Variants in PGAP4 observed in about 807,000 individuals in gnomAD.
The protein encoded by PGAP4 is GPI-N-acetylgalactosamine transferase PGAP4.
In PGAP4, 12 loss-of-function variants were observed where a neutral mutation model predicts 28.2. The observed-to-expected ratio is 0.42, with a 90% CI of 0.27 to 0.69. The LOEUF is 0.69. Among genes scored for constraint, PGAP4 ranks in the 30% least tolerant of loss-of-function variants. The pLI is 0.22. For synonymous variants in PGAP4, 205 were observed against 211.8 expected (o/e 0.97, Z 0.28); for missense variants, 425 against 513.5 (o/e 0.83, Z 1.67).
chr9:101,528,928 A>G (rs1827059875), intron 2 of PGAP4, among the ~76,000 whole-genome samples: 1 of 150,658 alleles, frequency 6.6e-6, no homozygotes, highest in South Asian at 2.1e-4. Flanking sequence ...GTTTTTCCTG[A>G]TCCTCTCCCT....
chr9:101,514,158 G>T (rs1420853883), intron 2 of PGAP4, among the ~76,000 whole-genome samples: 1 of 152,052 alleles, frequency 6.6e-6, no homozygotes, highest in Non-Finnish European at 1.5e-5. Flanking sequence ...TGCTATACCA[G>T]TTCTCTAGGT....
At chr9:101,511,124 A>C (rs1395513391) in intron 2 of PGAP4, among the ~76,000 whole-genome samples, 1 of 152,196 alleles carries the variant, frequency 6.6e-6, no homozygotes, top group East Asian at 1.9e-4. Flanking sequence ...TCACATGTGC[A>C]GTTCACAATA....
chr9:101,476,994 C>A lies in PGAP4; in HGVS notation c.99G>T (p.Val33=). The change falls in exon 2 of 2, where the codon GTG becomes GTT. Residue 33 remains valine (V), a synonymous_variant. Transcript: ENST00000374848. This position sits in a 1 kb window ranked among gnomAD's most constrained non-coding sequence, Gnocchi z 7.0. ...CCAGGGGGGCCAGCAGGCCAAACGTCACCACTGTTAGGATGAAGAGCTGGA... is the reference window on the plus strand; with the variant it reads ...CCAGGGGGGCCAGCAGGCCAAACGTAACCACTGTTAGGATGAAGAGCTGGA... The part of the protein sequence containing the change: ...TAVQLFILTV[V]TFGLLAPLAC... 6.2e-7 allele frequency: 1 copy of A among 1,613,968 alleles called. No homozygotes were observed. The highest frequency in any genetic ancestry group is 2.2e-5 in the East Asian group (1 of 44,866).
exon 1 of PGAP4, chr9:101,533,295 T>A (rs1827125587): frequency 6.6e-6 from 1 of 151,924 alleles, no homozygotes; most frequent in Non-Finnish European, 1.5e-5. Context: ...AACGCTTTTT[T>A]AAAAAAGCTT....
In PGAP4 at chr9:101,475,735, A is replaced by G; in HGVS notation, c.*146T>C. 1.1e-6 allele frequency: 1 copy of G among 874,850 alleles called. No homozygotes were observed. The highest frequency in any genetic ancestry group is 1.8e-6 in the Non-Finnish European group (1 of 571,042). 54.2% of individuals were successfully genotyped at this position (874,850 alleles called of 1,614,324 possible). A position where few individuals can be genotyped will look rare whatever the true frequency, so the allele number is the denominator to read the frequency against. The stretch of plus-strand genomic sequence containing the variant: ...GGCTACCAAAGCCAAGGCTCTTAAC[A>G]TATTGAGGTTCCTCAGCTGCCCCAG... On this transcript the variant is annotated 3_prime_UTR_variant, in exon 2 of 2. Coordinates refer to ENST00000374848, the MANE Select transcript of PGAP4 (RefSeq NM_032342.3).
chr9:101,521,731 G>T (rs928652451), intron 2 of PGAP4, among the ~76,000 whole-genome samples: 3 of 151,750 alleles, frequency 2.0e-5, no homozygotes, highest in Non-Finnish European at 2.9e-5. Flanking sequence ...CTCTGATCTT[G>T]GTTATTTCCT....
intron 2 of PGAP4, among the ~76,000 whole-genome samples, chr9:101,519,410 C>T (rs1164618752): frequency 1.3e-5 from 2 of 151,660 alleles, no homozygotes; most frequent in African/African-American, 4.9e-5. Flanking sequence ...CCACCTGCCT[C>T]CCCCTCCCAA....
Position 101,477,163 on chromosome 9 carries a change from A to T in PGAP4, c.-71T>A. ...GGAACTCAGGCCAGAGTCATCAGAAATCAAACCTAAAGAGAGAGGAAGTAG... is the reference window on the plus strand; with the variant it reads ...GGAACTCAGGCCAGAGTCATCAGAATTCAAACCTAAAGAGAGAGGAAGTAG... On this transcript the variant is annotated 5_prime_UTR_variant, in exon 2 of 2. Transcript: ENST00000374848. 2.0e-6 allele frequency: 3 copies of T among 1,481,684 alleles called. No individual in the cohort carries two copies. The highest frequency in any genetic ancestry group is 2.7e-6 in the Non-Finnish European group (3 of 1,117,786). 91.8% of individuals were successfully genotyped at this position (1,481,684 alleles called of 1,614,324 possible). A position where few individuals can be genotyped will look rare whatever the true frequency, so the allele number is the denominator to read the frequency against.
intron 2 of PGAP4, among the ~76,000 whole-genome samples, chr9:101,494,788 T>C (rs1321546648): frequency 6.6e-6 from 1 of 151,522 alleles, no homozygotes; most frequent in Non-Finnish European, 1.5e-5. Flanking sequence ...CTGATGAAAG[T>C]TTTCAGTTGA....
chr9:101,523,194 A>G lies in PGAP4; in HGVS notation c.-165+8154T>C, dbSNP rs187262533. ...CGTCTTAACTTTGGATAACCTGATG[A>G]CTTGCGATGAATTTCCTGAGTGTTC... On this transcript the variant is annotated intron_variant, in intron 2 of 3. Transcript: ENST00000374851. Among the ~76,000 whole-genome samples the G allele has an allele frequency of 1.2e-3, 178 of 152,014 alleles. 1 individual carries two copies. Among genetic ancestry groups the G allele is most frequent in the African/African-American group, 4.0e-3 (165 of 41,498 alleles).
Sources: gnomAD v4.1 joint callset for allele counts (sites outside exome capture counted in the v4.1 genomes callset) on GRCh38, gnomAD v4.1.1 for gene constraint, Gnocchi (gnomAD v3.1) non-coding constraint, MANE v1.5 for transcripts, NCBI Gene and HGNC (gene_info 2026-07-23, HGNC 2026-07-21) for gene names.